The following CNTNAP2 variants were observed in gnomAD, a reference collection of about 807,000 sequenced individuals.
CNTNAP2 encodes the protein contactin associated protein 2.
CNTNAP2 carries 98 observed loss-of-function variants against 155.2 expected under a neutral mutation model. The ratio of observed to expected loss-of-function variants is 0.63; its 90% CI spans 0.54 to 0.75. The LOEUF is 0.75. Among genes scored for constraint, CNTNAP2 ranks in the 30% least tolerant of loss-of-function variants. CNTNAP2 has a pLI of 0.00. For synonymous variants in CNTNAP2, 651 were observed against 631.2 expected (o/e 1.03, Z -0.47); for missense variants, 1,727 against 1,688.1 (o/e 1.02, Z -0.40).
intron 15 of CNTNAP2, among the ~76,000 whole-genome samples, chr7:147,984,958 C>T (rs9640511): frequency 0.83 from 125,340 of 151,536 alleles, 52,399 homozygotes; most frequent in South Asian, 0.92. Context: ...CTACTAAAAA[C>T]ACAAAAATCA....
At chr7:147,732,630 T>G (rs2116469337) in intron 13 of CNTNAP2, among the ~76,000 whole-genome samples, 1 of 152,334 alleles carries the variant, frequency 6.6e-6, no homozygotes, top group African/African-American at 2.4e-5. Context: ...CCACAATGGT[T>G]GAACCAGTTT....
At chr7:147,131,810 G>C (rs750576413) in intron 7 of CNTNAP2, among the ~76,000 whole-genome samples, 3 of 151,934 alleles carry the variant, frequency 2.0e-5, no homozygotes, top group Non-Finnish European at 4.4e-5. Context: ...TGAGACCAGA[G>C]TAATATGTTA....
chr7:146,895,900 G>T (rs993507251), intron 3 of CNTNAP2, among the ~76,000 whole-genome samples: 2 of 152,118 alleles, frequency 1.3e-5, no homozygotes, highest in East Asian at 3.9e-4. Flanking sequence ...TATGTACTAA[G>T]ATTTACTAAA....
chr7:146,730,040 G>A (rs562280003), intron 1 of CNTNAP2, among the ~76,000 whole-genome samples: 20 of 152,186 alleles, frequency 1.3e-4, no homozygotes, highest in African/African-American at 3.6e-4. Context: ...AGCCAGCAAC[G>A]TCTTGCCATT....
chr7:146,299,023 C>G (rs188978158), intron 1 of CNTNAP2, among the ~76,000 whole-genome samples: 1 of 152,054 alleles, frequency 6.6e-6, no homozygotes, highest in African/African-American at 2.4e-5. Flanking sequence ...GCCTGTTATC[C>G]CAGCACTTTG....
chr7:146,417,206 G>C (rs926898033), intron 1 of CNTNAP2, among the ~76,000 whole-genome samples: 1 of 152,094 alleles, frequency 6.6e-6, no homozygotes, highest in Non-Finnish European at 1.5e-5. Context: ...AGATATATCT[G>C]TATAAAGAGC....
intron 16 of CNTNAP2, among the ~76,000 whole-genome samples, chr7:148,131,585 G>A (rs1804832871): frequency 6.6e-6 from 1 of 152,194 alleles, no homozygotes; most frequent in Non-Finnish European, 1.5e-5. Flanking sequence ...ACAGACGGAA[G>A]AAAGATATGC....
chr7:147,299,540 T>A (rs941893350), intron 8 of CNTNAP2, among the ~76,000 whole-genome samples: 2 of 152,158 alleles, frequency 1.3e-5, no homozygotes, highest in African/African-American at 4.8e-5. Context: ...AGTTCGTACT[T>A]ATAACTACAC....
chr7:147,153,439 G>A (rs944891119), intron 8 of CNTNAP2, among the ~76,000 whole-genome samples: 2 of 152,038 alleles, frequency 1.3e-5, no homozygotes, highest in African/African-American at 4.8e-5. Flanking sequence ...GCCCTCAACA[G>A]TGCAAAACAC....
At chr7:146,923,225 A>G (rs1380466921) in intron 3 of CNTNAP2, among the ~76,000 whole-genome samples, 2 of 152,276 alleles carry the variant, frequency 1.3e-5, no homozygotes, top group African/African-American at 2.4e-5. Flanking sequence ...TGTCTGGTAC[A>G]CTGTCAAGGT....
chr7:147,229,041 TTATATA>T (rs977560244), intron 8 of CNTNAP2, among the ~76,000 whole-genome samples: 2 of 131,816 alleles, frequency 1.5e-5, no homozygotes, highest in Non-Finnish European at 3.1e-5. Context: ...CACATTTTCT[TTATATA>T]TATATATATA....
At chr7:146,922,153 C>T (rs1367510977) in intron 3 of CNTNAP2, among the ~76,000 whole-genome samples, 1 of 151,142 alleles carries the variant, frequency 6.6e-6, no homozygotes, top group African/African-American at 2.4e-5. Flanking sequence ...ATATATAAAA[C>T]AATTGTCTGT....
At chr7:147,171,483 A>G (rs1356535820) in intron 8 of CNTNAP2, among the ~76,000 whole-genome samples, 3 of 152,214 alleles carry the variant, frequency 2.0e-5, no homozygotes, top group African/African-American at 7.2e-5. Context: ...TGTCAGCTAC[A>G]CAAAAGACCA....
chr7:147,400,114 C>G (rs1242647224), intron 10 of CNTNAP2, among the ~76,000 whole-genome samples: 1 of 152,158 alleles, frequency 6.6e-6, no homozygotes, highest in Non-Finnish European at 1.5e-5. Flanking sequence ...TTCTCTCCAG[C>G]CTCTTTCCAG....
At chr7:146,378,021 C>T (rs904840554) in intron 1 of CNTNAP2, among the ~76,000 whole-genome samples, 1 of 152,152 alleles carries the variant, frequency 6.6e-6, no homozygotes, top group African/African-American at 2.4e-5. Context: ...TCTGCACTTA[C>T]TTATCTGTTA....
chr7:148,240,309 A>T (rs1284090992), intron 20 of CNTNAP2, among the ~76,000 whole-genome samples: 1 of 152,192 alleles, frequency 6.6e-6, no homozygotes, highest in African/African-American at 2.4e-5. Flanking sequence ...GTGTCCAGTC[A>T]CTAGGCATTT....
intron 16 of CNTNAP2, among the ~76,000 whole-genome samples, chr7:148,143,159 G>A (rs575699936): frequency 1.4e-4 from 22 of 152,240 alleles, no homozygotes; most frequent in East Asian, 1.4e-3. Flanking sequence ...GAGGTTCTCC[G>A]TAGTTTCAAA....
At chr7:147,732,362 T>TAAAAAG (rs1796757731) in intron 13 of CNTNAP2, among the ~76,000 whole-genome samples, 1 of 152,176 alleles carries the variant, frequency 6.6e-6, no homozygotes, top group Non-Finnish European at 1.5e-5. Flanking sequence ...ACAAAGGACA[T>TAAAAAG]GAACTCATCC....
chr7:146,539,015 C>G (rs114877316), intron 1 of CNTNAP2, among the ~76,000 whole-genome samples: 1 of 151,896 alleles, frequency 6.6e-6, no homozygotes, highest in Non-Finnish European at 1.5e-5. Flanking sequence ...TACACGTAGC[C>G]CATTTTAAAG....
Sources: gnomAD v4.1 joint callset for allele counts (sites outside exome capture counted in the v4.1 genomes callset) on GRCh38, gnomAD v4.1.1 for gene constraint, MANE v1.5 for transcripts, NCBI Gene and HGNC (gene_info 2026-07-23, HGNC 2026-07-21) for gene names.